Variants in IGSF5 observed in about 807,000 individuals in gnomAD.
IGSF5 encodes the protein immunoglobulin superfamily 5 like.
In IGSF5, 41 loss-of-function variants were observed where a neutral mutation model predicts 39.4. That is an observed-to-expected ratio of 1.04 (90% CI 0.81 to 1.35). The LOEUF is 1.35. Ranked by LOEUF, IGSF5 falls within the 40% of genes most tolerant of loss-of-function variation. The pLI is 0.00. For synonymous variants in IGSF5, 183 were observed against 175.3 expected (o/e 1.04, Z -0.34); for missense variants, 487 against 494.6 (o/e 0.98, Z 0.15).
At chr21:39,792,680 G>A (rs1438526445) in intron 7 of IGSF5, among the ~76,000 whole-genome samples, 1 of 152,130 alleles carries the variant, frequency 6.6e-6, no homozygotes, top group East Asian at 1.9e-4. Flanking sequence ...ATGTAACAGG[G>A]AGTTGGGAAT....
Position 39,765,660 on chromosome 21 carries a change from A to G in IGSF5, c.226A>G (p.Met76Val), listed in dbSNP as rs764822083. Reference sequence around the variant, plus strand: ...GCTCATCATGTGGGCTCTCAGTGACATGGTGGTGCTAAGCGTCAGGCCCAT... The same window carrying G: ...GCTCATCATGTGGGCTCTCAGTGACGTGGTGGTGCTAAGCGTCAGGCCCAT... The part of the protein sequence containing the change: ...WKLIMWALSD[M>V]VVLSVRPMEP... The change falls in exon 3 of 9, where the codon ATG becomes GTG. Residue 76 changes from methionine to valine, a missense_variant. By Grantham distance (21) the Met-to-Val change is conservative. Coordinates refer to ENST00000380588, the MANE Select transcript of IGSF5 (RefSeq NM_001080444.2). The G allele has an allele frequency of 1.9e-6, 3 of 1,614,036 alleles. No individual in the cohort carries two copies. The highest frequency in any genetic ancestry group is 1.7e-5 in the Admixed American group (1 of 60,002).
chr21:39,778,248 G>A lies in IGSF5; in HGVS notation c.719-842G>A, dbSNP rs542455786. ...TGTGGTGACTGAGCACTTGAAATGTGGCTAGTGCAACTGAGGCACTGAATA... is the reference window on the plus strand; with the variant it reads ...TGTGGTGACTGAGCACTTGAAATGTAGCTAGTGCAACTGAGGCACTGAATA... On this transcript the variant is annotated intron_variant, in intron 4 of 8. Coordinates refer to ENST00000380588, the MANE Select transcript of IGSF5 (RefSeq NM_001080444.2). Among the ~76,000 whole-genome samples the A allele has an allele frequency of 6.6e-5, 10 of 152,264 alleles. No homozygotes were observed. In the South Asian group the frequency reaches 2.1e-3, roughly 32 times the overall value.
intron 4 of IGSF5, among the ~76,000 whole-genome samples, chr21:39,774,499 A>G (rs944190231): frequency 2.0e-5 from 3 of 152,378 alleles, no homozygotes; most frequent in Admixed American, 2.0e-4. Context: ...TTTATAGTTC[A>G]AAAGGTTTCT....
the IGSF5 span, among the ~76,000 whole-genome samples, chr21:39,712,315 T>G: frequency 1.2e-4 from 18 of 152,106 alleles, no homozygotes; most frequent in Non-Finnish European, 1.5e-5. Context: ...TCAAACTTCT[T>G]TTGCTGTGAA....
intron 6 of IGSF5, among the ~76,000 whole-genome samples, chr21:39,789,035 C>A (rs1206479558): frequency 2.0e-5 from 3 of 152,112 alleles, no homozygotes; most frequent in African/African-American, 4.8e-5. Flanking sequence ...AGGACACCAC[C>A]AAGCAGCAGT....
At chr21:39,794,326 C>T (rs552549205) in intron 8 of IGSF5, among the ~76,000 whole-genome samples, 166 of 152,240 alleles carry the variant, frequency 1.1e-3, no homozygotes, top group Admixed American at 3.6e-3. Flanking sequence ...TAGATGTCCA[C>T]ATGGAGATGC....
chr21:39,752,750 T>G (rs1418825526), intron 2 of IGSF5, among the ~76,000 whole-genome samples: 3 of 152,202 alleles, frequency 2.0e-5, no homozygotes, highest in African/African-American at 7.2e-5. Flanking sequence ...CCCTGATTAG[T>G]GATGTTGAGT....
At chr21:39,771,930 C>T (rs2080116613) in intron 4 of IGSF5, among the ~76,000 whole-genome samples, 1 of 152,202 alleles carries the variant, frequency 6.6e-6, no homozygotes. Context: ...AAAGTCTGTG[C>T]TTTCATCCGG....
At chr21:39,735,078 G>T in the IGSF5 span, among the ~76,000 whole-genome samples, 3 of 152,012 alleles carry the variant, frequency 2.0e-5, no homozygotes, top group Non-Finnish European at 4.4e-5. Flanking sequence ...TGGCCAGGCT[G>T]GTCTCGAACT....
At chr21:39,764,149 T>A (rs1251122706) in intron 2 of IGSF5, among the ~76,000 whole-genome samples, 1 of 152,168 alleles carries the variant, frequency 6.6e-6, no homozygotes, top group Non-Finnish European at 1.5e-5. Context: ...CCTCGCCTCC[T>A]GGTCCTGCTT....
chr21:39,741,862 A>C (rs375933770), upstream of IGSF5, among the ~76,000 whole-genome samples: 22 of 152,236 alleles, frequency 1.4e-4, 1 homozygote, highest in African/African-American at 5.3e-4. Context: ...TATAGAGGAA[A>C]AACAGCCTCA....
intron 2 of IGSF5, among the ~76,000 whole-genome samples, chr21:39,747,683 A>T (rs1195716588): frequency 2.0e-5 from 3 of 152,212 alleles, no homozygotes; most frequent in Non-Finnish European, 2.9e-5. Flanking sequence ...AGCAAACCAA[A>T]TGAGTGGTTG....
chr21:39,746,460 A>G (rs1484838295), intron 2 of IGSF5, among the ~76,000 whole-genome samples, 162 bp downstream of exon 2: 1 of 152,236 alleles, frequency 6.6e-6, no homozygotes, highest in Non-Finnish European at 1.5e-5. Context: ...ACTTTTTCTC[A>G]ATTATCTTCA....
At chr21:39,779,362 T>G in intron 5 of IGSF5, 57 bp downstream of exon 5, 1 of 1,580,416 alleles carries the variant, frequency 6.3e-7, no homozygotes, top group Non-Finnish European at 8.6e-7. Flanking sequence ...GTACAAGCAG[T>G]TGAAGTTAAT....
rs540503203 is a variant in IGSF5 at position 39,760,590 on chromosome 21, T to C, written c.101-4945T>C. 2.7e-5 allele frequency among the ~76,000 whole-genome samples: 4 copies of C among 146,318 alleles called. No homozygotes were observed. The East Asian group carries it at 7.9e-4, about 29-fold the overall frequency. On this transcript the variant is annotated intron_variant, in intron 2 of 8. Transcript: ENST00000380588. ...GACTAAGTCAGGTCTTTTTTTTTTTTAGACGGAGTCTCACTCTGTCGTCAG... is the reference window on the plus strand; with the variant it reads ...GACTAAGTCAGGTCTTTTTTTTTTTCAGACGGAGTCTCACTCTGTCGTCAG...
At chr21:39,717,079 T>C in the IGSF5 span, among the ~76,000 whole-genome samples, 3 of 152,324 alleles carry the variant, frequency 2.0e-5, no homozygotes, top group Non-Finnish European at 4.4e-5. Context: ...GTGGTTTTGA[T>C]TTGTATTTCT....
chr21:39,717,606 C>T, the IGSF5 span, among the ~76,000 whole-genome samples: 5 of 152,134 alleles, frequency 3.3e-5, no homozygotes, highest in Non-Finnish European at 5.9e-5. Flanking sequence ...GAGTCTTTTC[C>T]GCATTGCTTG....
intron 2 of IGSF5, among the ~76,000 whole-genome samples, chr21:39,749,444 C>T (rs1419441583): frequency 6.6e-6 from 1 of 152,210 alleles, no homozygotes; most frequent in Admixed American, 6.5e-5. Context: ...TACTCCTGAC[C>T]TCAGGTGATC....
intron 5 of IGSF5, among the ~76,000 whole-genome samples, chr21:39,781,542 G>A (rs1041072009): frequency 1.1e-4 from 17 of 152,132 alleles, no homozygotes; most frequent in African/African-American, 2.4e-4. Context: ...GTTTTGTCAC[G>A]GATTGCCAAA....
Sources: gnomAD v4.1 joint callset for allele counts (sites outside exome capture counted in the v4.1 genomes callset) on GRCh38, gnomAD v4.1.1 for gene constraint, MANE v1.5 for transcripts, NCBI Gene and HGNC (gene_info 2026-07-23, HGNC 2026-07-21) for gene names.